The following ARSB variants were observed in gnomAD, a reference collection of about 807,000 sequenced individuals.
The protein encoded by ARSB is N-acetylgalactosamine-4-sulfatase.
A neutral mutation model predicts 50.9 loss-of-function variants in ARSB; 41 were observed. The ratio of observed to expected loss-of-function variants is 0.81; its 90% CI spans 0.63 to 1.04. The LOEUF (loss-of-function observed/expected upper bound fraction) is 1.04. ARSB is among the 50% of genes least tolerant of loss of function. The pLI is 0.00. For synonymous variants in ARSB, 269 were observed against 284.8 expected (o/e 0.94, Z 0.56); for missense variants, 672 against 693.3 (o/e 0.97, Z 0.35).
chr5:78,984,905 GGGGCGGCGC>G, intron 1 of ARSB, 23 bp downstream of exon 1: 2 of 1,295,260 alleles, frequency 1.5e-6, no homozygotes, highest in African/African-American at 3.1e-5. Context: ...AGGCGGGGCG[GGGGCGGCGC>G]GGGCGGCGGG....
chr5:78,793,495 G>A (rs73120614), intron 6 of ARSB, among the ~76,000 whole-genome samples: 63 of 152,268 alleles, frequency 4.1e-4, no homozygotes, highest in African/African-American at 1.4e-3. Flanking sequence ...ATGGATGTAC[G>A]CAGTTGGTCA....
intron 3 of ARSB, among the ~76,000 whole-genome samples, chr5:78,957,449 C>T (rs189637513): frequency 4.3e-4 from 65 of 152,198 alleles, no homozygotes; most frequent in Non-Finnish European, 6.8e-4. Flanking sequence ...ATACGTTTTC[C>T]CTAAACTCAC....
intron 5 of ARSB, among the ~76,000 whole-genome samples, chr5:78,853,609 A>T (rs950513173): frequency 6.6e-6 from 1 of 152,170 alleles, no homozygotes; most frequent in Non-Finnish European, 1.5e-5. Flanking sequence ...GGGATATTTA[A>T]GTCTGCAGAT....
At chr5:78,789,993 G>A (rs1749193313) in intron 6 of ARSB, among the ~76,000 whole-genome samples, 1 of 152,150 alleles carries the variant, frequency 6.6e-6, no homozygotes, top group South Asian at 2.1e-4. Context: ...GGTGAGGGAA[G>A]CGTGGCACAA....
intron 6 of ARSB, among the ~76,000 whole-genome samples, chr5:78,833,955 C>A (rs1464078656): frequency 6.6e-6 from 1 of 152,124 alleles, no homozygotes; most frequent in African/African-American, 2.4e-5. Context: ...TACTTAGGCA[C>A]AAAAGGTAGG....
chr5:78,945,794 C>T (rs762170499), intron 4 of ARSB, among the ~76,000 whole-genome samples: 4 of 152,138 alleles, frequency 2.6e-5, no homozygotes, highest in Non-Finnish European at 4.4e-5. Flanking sequence ...TATTTATGTT[C>T]CTTTCTCACA....
chr5:78,873,856 A>T (rs1747359624), intron 5 of ARSB, among the ~76,000 whole-genome samples: 1 of 152,136 alleles, frequency 6.6e-6, no homozygotes, highest in Non-Finnish European at 1.5e-5. Flanking sequence ...AAGTGAAATA[A>T]CTCACTTTTA....
chr5:78,847,710 A>G (rs1468511715), intron 5 of ARSB, among the ~76,000 whole-genome samples: 1 of 152,110 alleles, frequency 6.6e-6, no homozygotes, highest in Non-Finnish European at 1.5e-5. Context: ...CTTCAATGGG[A>G]GACTTTTTAT....
In ARSB at chr5:78,887,179, G is replaced by A. The variant is rs1748076009; in HGVS notation, c.899-1352C>T. On this transcript the variant is annotated intron_variant, in intron 4 of 7. Transcript: ENST00000264914. Reference sequence around the variant, plus strand: ...ACAGGTTTATTTGGCTCACAATTCTGATGACTGATAAGTCCAAGCGCTAGG... The same window carrying A: ...ACAGGTTTATTTGGCTCACAATTCTAATGACTGATAAGTCCAAGCGCTAGG... 2.0e-5 allele frequency among the ~76,000 whole-genome samples: 3 copies of A among 152,320 alleles called. No homozygotes were observed. The South Asian group carries it at 6.2e-4, about 32-fold the overall frequency.
intron 6 of ARSB, among the ~76,000 whole-genome samples, chr5:78,821,616 T>C (rs977464814): frequency 3.9e-5 from 6 of 152,242 alleles, no homozygotes; most frequent in Admixed American, 2.6e-4. Flanking sequence ...TTTTAGAATG[T>C]GGGAAAATTG....
At position 78,834,607 on chromosome 5, in the gene ARSB, GTATATATATATATATA is replaced by G. The variant is rs58773415; in HGVS notation, c.1213+4733_1213+4748del. 7.8e-4 allele frequency among the ~76,000 whole-genome samples: 67 copies of G among 85,648 alleles called. 3 individuals carry two copies. The South Asian group carries it at 9.6e-3, about 12-fold the overall frequency. The allele number at this position is 85,648 out of a possible 152,430, so 56.2% of individuals were successfully genotyped here. A position where few individuals can be genotyped will look rare whatever the true frequency, so the allele number is the denominator to read the frequency against. On this transcript the variant is annotated intron_variant, in intron 6 of 7. Transcript: ENST00000264914. ...ATACTATTTCATGGTATATATATGT[GTATATATATATATATA>G]TATATATATATATATATATATATGC...
At chr5:78,808,855 C>T (rs747216704) in intron 6 of ARSB, among the ~76,000 whole-genome samples, 12 of 152,288 alleles carry the variant, frequency 7.9e-5, no homozygotes, top group East Asian at 3.9e-4. Flanking sequence ...CTCGGGTCAA[C>T]GATGTGTGAC....
At chr5:78,836,353 T>C (rs1744954901) in intron 6 of ARSB, among the ~76,000 whole-genome samples, 2 of 152,202 alleles carry the variant, frequency 1.3e-5, no homozygotes, top group African/African-American at 4.8e-5. Context: ...TTGCAAGAGC[T>C]GACAATGTCC....
chr5:78,933,941 A>G (rs1279300992), intron 4 of ARSB, among the ~76,000 whole-genome samples: 5 of 152,190 alleles, frequency 3.3e-5, no homozygotes, highest in Admixed American at 1.3e-4. Context: ...AGGAGGAGAG[A>G]TTCAAAACAT....
At chr5:78,792,794 T>C (rs569587380) in intron 6 of ARSB, among the ~76,000 whole-genome samples, 49 of 151,696 alleles carry the variant, frequency 3.2e-4, no homozygotes, top group Non-Finnish European at 6.6e-4. Flanking sequence ...CAATATATGT[T>C]GAACCTATGG....
intron 4 of ARSB, among the ~76,000 whole-genome samples, chr5:78,937,133 C>A (rs931155207): frequency 6.6e-6 from 1 of 151,518 alleles, no homozygotes; most frequent in South Asian, 2.1e-4. Context: ...ATATAAGAAA[C>A]GGATTCATCT....
At chr5:78,859,034 A>G (rs3114495) in intron 5 of ARSB, among the ~76,000 whole-genome samples, 124,279 of 152,200 alleles carry the variant, frequency 0.82, 51,078 homozygotes, top group Middle Eastern at 0.87. Flanking sequence ...TCTAATCAAA[A>G]AGTACCGATT....
At chr5:78,798,323 T>C (rs1340125795) in intron 6 of ARSB, among the ~76,000 whole-genome samples, 2 of 150,024 alleles carry the variant, frequency 1.3e-5, no homozygotes, top group Non-Finnish European at 3.0e-5. Context: ...TCTGTCTAAA[T>C]ACACGTTTTT....
chr5:78,851,546 G>A (rs1475416730), intron 5 of ARSB, among the ~76,000 whole-genome samples: 5 of 152,072 alleles, frequency 3.3e-5, no homozygotes. Context: ...GTTGACTTGG[G>A]GTGGAGAGGT....
Sources: allele counts gnomAD v4.1 joint callset (sites outside exome capture counted in the v4.1 genomes callset), GRCh38; gene constraint gnomAD v4.1.1; transcripts MANE v1.5; gene names NCBI Gene and HGNC (gene_info 2026-07-23, HGNC 2026-07-21).